Variants in C1orf21 observed in about 807,000 individuals in gnomAD.
The protein encoded by C1orf21 is chromosome 1 open reading frame 21, also known as uncharacterized protein C1orf21.
In C1orf21, 3 loss-of-function variants were observed where a neutral mutation model predicts 18.7. The ratio of observed to expected loss-of-function variants is 0.16; its 90% CI spans 0.07 to 0.42. The LOEUF is 0.42. Among genes scored for constraint, C1orf21 ranks in the 10% least tolerant of loss-of-function variants. C1orf21 has a pLI of 0.99. For missense variants in C1orf21, 104 were observed against 143.6 expected (o/e 0.72, Z 1.41); for synonymous variants, 41 against 46.4 (o/e 0.88, Z 0.47).
intron 1 of C1orf21, among the ~76,000 whole-genome samples, chr1:184,414,832 A>G (rs1445756377): frequency 6.6e-6 from 1 of 152,138 alleles, no homozygotes; most frequent in Non-Finnish European, 1.5e-5. Flanking sequence ...GGGTCTCATG[A>G]CCAGTTTATT....
chr1:184,590,784 G>A lies in C1orf21; in HGVS notation c.235G>A (p.Val79Ile), dbSNP rs745820026. 9 of 1,613,944 alleles carry A rather than the reference G, an allele frequency of 5.6e-6. No individual in the cohort carries two copies. In the Admixed American group the frequency reaches 6.7e-5, roughly 12 times the overall value. ...TGTAAGACTTAAAACTAATAAAGAG[G>A]TTCCGGGATTAGTTCATCAACCCAG... is the stretch of plus-strand genomic sequence containing the variant. ...SNVRLKTNKE[V>I]PGLVHQPRAN... The change falls in exon 4 of 6, where the codon GTT (valine) becomes ATT (isoleucine). Residue 79 changes from valine to isoleucine, a missense_variant. Coordinates refer to ENST00000235307, the MANE Select transcript of C1orf21 (RefSeq NM_030806.4).
chr1:184,398,458 C>A (rs776987462), intron 1 of C1orf21, among the ~76,000 whole-genome samples: 1 of 152,168 alleles, frequency 6.6e-6, no homozygotes, highest in Non-Finnish European at 1.5e-5. Flanking sequence ...CCCCCTTCCT[C>A]GTACACTCCT....
intron 1 of C1orf21, among the ~76,000 whole-genome samples, chr1:184,393,073 C>G (rs1655998639): frequency 6.6e-6 from 1 of 152,104 alleles, no homozygotes; most frequent in African/African-American, 2.4e-5. Context: ...AAGCGATCCC[C>G]CTGCCTCAGC....
chr1:184,509,822 G>T (rs1157822044), intron 3 of C1orf21, among the ~76,000 whole-genome samples: 2 of 152,146 alleles, frequency 1.3e-5, no homozygotes, highest in Admixed American at 1.3e-4. Flanking sequence ...CTGTTGCATT[G>T]AAGGGGCTCA....
In C1orf21 at chr1:184,545,427, A is replaced by AT. The variant is rs896010732; in HGVS notation, c.189+37754dup. 5.3e-5 allele frequency among the ~76,000 whole-genome samples: 8 copies of AT among 151,594 alleles called. No homozygotes were observed. In the South Asian group the frequency reaches 8.3e-4, roughly 16 times the overall value. Reference sequence around the variant, plus strand: ...ATACATGTAATCTGGTGTAGCATATATTTTTTTTTCTAGAATGAAAAAGTG... The same window carrying AT: ...ATACATGTAATCTGGTGTAGCATATATTTTTTTTTTCTAGAATGAAAAAGTG... On this transcript the variant is annotated intron_variant, in intron 3 of 5. Transcript: ENST00000235307.
intron 3 of C1orf21, among the ~76,000 whole-genome samples, chr1:184,569,144 A>G (rs1279965949): frequency 6.6e-6 from 1 of 152,210 alleles, no homozygotes; most frequent in Non-Finnish European, 1.5e-5. Flanking sequence ...GGGCGTCAGC[A>G]TGGTGTTTTC....
At chr1:184,401,153 A>G (rs1463035522) in intron 1 of C1orf21, among the ~76,000 whole-genome samples, 1 of 152,048 alleles carries the variant, frequency 6.6e-6, no homozygotes, top group African/African-American at 2.4e-5. Context: ...TTTTCTATGA[A>G]CAGTTTCTTC....
At chr1:184,465,737 T>G (rs1657384724) in intron 1 of C1orf21, among the ~76,000 whole-genome samples, 1 of 152,214 alleles carries the variant, frequency 6.6e-6, no homozygotes, top group Admixed American at 6.5e-5. Flanking sequence ...AAAGGGCTCC[T>G]TAGAATAGAA....
rs547513442 is a variant in C1orf21, at chr1:184,484,619, T to C, written c.94+7016T>C. ...TTCAGGAATCAGGTTGGGCACTGAC[T>C]GAACCAGCCCTCCCATATAACTAAG... is the stretch of plus-strand genomic sequence containing the variant. On this transcript the variant is annotated intron_variant, in intron 2 of 5. Coordinates refer to ENST00000235307, the MANE Select transcript of C1orf21 (RefSeq NM_030806.4). Among the ~76,000 whole-genome samples the C allele has an allele frequency of 3.3e-5, 5 of 152,332 alleles. No homozygotes were observed. In the East Asian group the frequency reaches 9.7e-4, roughly 29 times the overall value.
chr1:184,622,049 T>G lies in C1orf21; in HGVS notation c.*2493T>G, dbSNP rs1659924849. ...CAAGTGATTCGTGTTTGTACTTTATTTTTTTGTGCCTTCTGAAAGGATCTA... is the reference window on the plus strand; with the variant it reads ...CAAGTGATTCGTGTTTGTACTTTATGTTTTTGTGCCTTCTGAAAGGATCTA... On this transcript the variant is annotated 3_prime_UTR_variant, in exon 6 of 6. Transcript: ENST00000235307. The G allele has an allele frequency of 6.6e-6, 1 of 152,372 alleles. No individual in the cohort carries two copies. The highest frequency in any genetic ancestry group is 3.4e-3 in the Middle Eastern group (1 of 294). 9.4% of individuals were successfully genotyped at this position (152,372 alleles called of 1,614,324 possible).
chr1:184,553,341 T>C (rs1040114777), intron 3 of C1orf21, among the ~76,000 whole-genome samples: 5 of 152,214 alleles, frequency 3.3e-5, no homozygotes, highest in African/African-American at 1.2e-4. Context: ...TTAAATGATT[T>C]TTAAACTAAT....
Position 184,515,464 on chromosome 1 carries a change from G to A in C1orf21, c.189+7782G>A, listed in dbSNP as rs185813472. ...AGGACTGTTAGAACACAGTTAGAAG[G>A]AAACTCAAGAATCACCGGGCGTCGT... On this transcript the variant is annotated intron_variant, in intron 3 of 5. Transcript: ENST00000235307. 5.3e-5 allele frequency among the ~76,000 whole-genome samples: 8 copies of A among 152,206 alleles called. No individual in the cohort carries two copies. The East Asian group carries it at 1.5e-3, about 29-fold the overall frequency.
At chr1:184,569,284 T>C (rs1427072893) in intron 3 of C1orf21, among the ~76,000 whole-genome samples, 1 of 152,218 alleles carries the variant, frequency 6.6e-6, no homozygotes, top group Non-Finnish European at 1.5e-5. Context: ...AGGTGGTGGT[T>C]CGCTAATTTG....
At chr1:184,567,318 C>T (rs1020076765) in intron 3 of C1orf21, 2 of 468,528 alleles carry the variant, frequency 4.3e-6, no homozygotes, top group African/African-American at 4.0e-5. Context: ...GACTTGACTT[C>T]ACCTGACTTC....
chr1:184,388,148 G>GT (rs1655916457), intron 1 of C1orf21, among the ~76,000 whole-genome samples: 1 of 152,112 alleles, frequency 6.6e-6, no homozygotes. Flanking sequence ...TTTTGTTTTT[G>GT]TTTTTGTTTT....
intron 1 of C1orf21, among the ~76,000 whole-genome samples, chr1:184,449,850 C>G (rs889552457): frequency 1.3e-5 from 2 of 152,132 alleles, no homozygotes; most frequent in African/African-American, 2.4e-5. Flanking sequence ...TATCACTTTC[C>G]TTCAGTGTTT....
intron 3 of C1orf21, among the ~76,000 whole-genome samples, chr1:184,560,540 A>T (rs1175946155): frequency 6.6e-6 from 1 of 152,228 alleles, no homozygotes; most frequent in Non-Finnish European, 1.5e-5. Flanking sequence ...CAAATATTAC[A>T]ATATCCTCCC....
intron 1 of C1orf21, among the ~76,000 whole-genome samples, chr1:184,405,936 C>T (rs962545813): frequency 1.3e-5 from 2 of 152,204 alleles, no homozygotes; most frequent in African/African-American, 4.8e-5. Context: ...ATGTGTGCCT[C>T]TCCAAGCCCC....
At chr1:184,518,585 A>G (rs192765543) in intron 3 of C1orf21, among the ~76,000 whole-genome samples, 98 of 152,288 alleles carry the variant, frequency 6.4e-4, no homozygotes, top group Middle Eastern at 6.8e-3. Context: ...GTGGCTTTTG[A>G]AGCAACTACA....
Sources: gnomAD v4.1 joint callset for allele counts (sites outside exome capture counted in the v4.1 genomes callset) on GRCh38, gnomAD v4.1.1 for gene constraint, MANE v1.5 for transcripts, NCBI Gene and HGNC (gene_info 2026-07-23, HGNC 2026-07-21) for gene names.